FOLH1: variants seen among roughly 807,000 people sequenced by gnomAD.
FOLH1 encodes the protein glutamate carboxypeptidase 2.
FOLH1 carries 54 observed loss-of-function variants against 93.9 expected under a neutral mutation model. The observed-to-expected ratio is 0.57, with a 90% CI of 0.46 to 0.72. The LOEUF is 0.72. Ranked by LOEUF, FOLH1 falls within the 30% of genes least tolerant of loss-of-function variation. FOLH1 has a pLI of 0.00. For synonymous variants in FOLH1, 249 were observed against 303.6 expected (o/e 0.82, Z 1.87); for missense variants, 571 against 892.5 (o/e 0.64, Z 4.59).
At chr11:49,189,795 A>G (rs539527406) in intron 4 of FOLH1, among the ~76,000 whole-genome samples, 2 of 152,228 alleles carry the variant, frequency 1.3e-5, no homozygotes, top group Non-Finnish European at 2.9e-5. Flanking sequence ...AGCATACATT[A>G]TATTAAAAGG....
At chr11:49,192,936 G>A (rs1381559203) in intron 3 of FOLH1, 42 bp from the exon 4 acceptor site, 3 of 1,501,362 alleles carry the variant, frequency 2.0e-6, no homozygotes, top group East Asian at 2.4e-5. Context: ...AACAGTTAAA[G>A]TTTGATTACT....
At chr11:49,149,347 C>A (rs1391206450) in intron 17 of FOLH1, among the ~76,000 whole-genome samples, 1 of 152,078 alleles carries the variant, frequency 6.6e-6, no homozygotes, top group Non-Finnish European at 1.5e-5. Context: ...TCTGGATTAA[C>A]TTGCTCTGCC....
chr11:49,170,083 G>A (rs1490523538), intron 11 of FOLH1, among the ~76,000 whole-genome samples: 2 of 151,470 alleles, frequency 1.3e-5, no homozygotes, highest in Non-Finnish European at 2.9e-5. Flanking sequence ...CATAATATCT[G>A]GAGTATGAAA....
rs1222933908 is a variant in FOLH1, at chr11:49,145,442, A to C, written c.*1314T>G. Reference sequence around the variant, plus strand: ...TCCTGAAGTTCATGGTGGCCAGGAGAACCCAGCGGCCAAGAGCTTCTCCTG... The same window carrying C: ...TCCTGAAGTTCATGGTGGCCAGGAGCACCCAGCGGCCAAGAGCTTCTCCTG... On this transcript the variant is annotated 3_prime_UTR_variant, in exon 19 of 19. Transcript: ENST00000256999. Among the ~76,000 whole-genome samples, 1 of 152,126 alleles carries C rather than the reference A, an allele frequency of 6.6e-6. No homozygotes were observed. Among genetic ancestry groups the C allele is most frequent in the African/African-American group, 2.4e-5 (1 of 41,426 alleles).
intron 3 of FOLH1, among the ~76,000 whole-genome samples, chr11:49,196,926 G>T (rs1207053318): frequency 6.6e-6 from 1 of 152,100 alleles, no homozygotes; most frequent in East Asian, 1.9e-4. Flanking sequence ...AGATGAGGAG[G>T]GGATCTGGGC....
intron 6 of FOLH1, among the ~76,000 whole-genome samples, 180 bp from the exon 7 acceptor site, chr11:49,183,422 A>G (rs1241616753): frequency 6.6e-6 from 1 of 152,180 alleles, no homozygotes; most frequent in Non-Finnish European, 1.5e-5. Flanking sequence ...ATTGCTTGTG[A>G]TAATCTAGGC....
chr11:49,188,348 C>T (rs553218475), intron 4 of FOLH1, among the ~76,000 whole-genome samples: 10 of 151,724 alleles, frequency 6.6e-5, no homozygotes, highest in Admixed American at 5.3e-4. Flanking sequence ...AAACCCATGT[C>T]TACTAAAAAC....
intron 15 of FOLH1, among the ~76,000 whole-genome samples, chr11:49,155,024 G>A (rs1856861440): frequency 6.6e-6 from 1 of 152,074 alleles, no homozygotes; most frequent in Non-Finnish European, 1.5e-5. Flanking sequence ...AGAGAGAAGG[G>A]AGGCCCAGAC....
chr11:49,150,106 T>G (rs1856317515), intron 17 of FOLH1, among the ~76,000 whole-genome samples: 1 of 152,138 alleles, frequency 6.6e-6, no homozygotes, highest in Non-Finnish European at 1.5e-5. Flanking sequence ...CAGTGAATAA[T>G]ACTGAATTTT....
chr11:49,147,903 G>C (rs1184353743), intron 18 of FOLH1, among the ~76,000 whole-genome samples: 8 of 152,026 alleles, frequency 5.3e-5, no homozygotes, highest in South Asian at 2.1e-4. Context: ...CTCTAGCCTG[G>C]GAGACAGAGT....
chr11:49,205,972 A>T, intron 2 of FOLH1, 95 bp downstream of exon 2: 7 of 1,243,432 alleles, frequency 5.6e-6, no homozygotes, highest in Non-Finnish European at 7.6e-6. Context: ...ATTTTAAGAA[A>T]AAAGTCCAGT....
chr11:49,192,716 C>T, intron 4 of FOLH1, 77 bp downstream of exon 4: 1 of 1,282,054 alleles, frequency 7.8e-7, no homozygotes, highest in Non-Finnish European at 1.1e-6. Context: ...CTTTATGACC[C>T]TTTAATTATC....
chr11:49,187,814 T>C (rs1476508127), intron 4 of FOLH1, among the ~76,000 whole-genome samples: 1 of 152,238 alleles, frequency 6.6e-6, no homozygotes, highest in East Asian at 1.9e-4. Context: ...GCCCCCTTGC[T>C]CAAGGTCATG....
chr11:49,154,228 C>T lies in FOLH1; in HGVS notation c.1888G>A (p.Asp630Asn). 1.2e-6 allele frequency: 2 copies of T among 1,612,806 alleles called. No homozygotes were observed. Among genetic ancestry groups the T allele is most frequent in the Non-Finnish European group, 1.7e-6 (2 of 1,179,232 alleles). Residue 630 changes from aspartate (D) to asparagine (N), a missense_variant and splice_region_variant, in exon 16 of 19, where the codon GAT becomes AAT. Physicochemically the swap from Asp to Asn is conservative, Grantham distance 23. This residue lies in a region of FOLH1 where 500 missense variants were observed against 822.9 expected (regional missense o/e 0.61). Coordinates refer to ENST00000256999, the MANE Select transcript of FOLH1 (RefSeq NM_004476.3). Reference sequence around the variant, plus strand: ...ATTTGAAAAAGGAAGGGTAACATACCAAATGATACACTGTATGTCTTCATT... The same window carrying T: ...ATTTGAAAAAGGAAGGGTAACATACTAAATGATACACTGTATGTCTTCATT... ...QEMKTYSVSF[D>N]SLFSAVKNFT...
chr11:49,180,166 A>C (rs1449144913), intron 7 of FOLH1, among the ~76,000 whole-genome samples: 1 of 152,232 alleles, frequency 6.6e-6, no homozygotes, highest in Non-Finnish European at 1.5e-5. Context: ...GGTTACAATG[A>C]GTATCACAAT....
intron 12 of FOLH1, among the ~76,000 whole-genome samples, chr11:49,166,763 T>C (rs1377931907): frequency 6.6e-6 from 1 of 152,226 alleles, no homozygotes; most frequent in African/African-American, 2.4e-5. Flanking sequence ...GTCCCAATCA[T>C]ATAGTACCTC....
At position 49,174,422 on chromosome 11, in the gene FOLH1, T is replaced by A. The variant is rs1033665580; in HGVS notation, c.1105+470A>T. 5.3e-5 allele frequency among the ~76,000 whole-genome samples: 8 copies of A among 152,294 alleles called. 1 individual carries two copies. The East Asian group carries it at 1.5e-3, about 29-fold the overall frequency. On this transcript the variant is annotated intron_variant, in intron 9 of 18. Coordinates refer to ENST00000256999, the MANE Select transcript of FOLH1 (RefSeq NM_004476.3). ...TCTGAACTTCTATGGAAATCATATG[T>A]CCATATATTTTATCAGTGGCTTTAG...
chr11:49,192,644 TCTTA>T (rs1862202242), intron 4 of FOLH1, 145 bp downstream of exon 4: 4 of 483,856 alleles, frequency 8.3e-6, no homozygotes, highest in South Asian at 5.2e-5. Context: ...TATTCCTTCT[TCTTA>T]CTAAGACATT....
intron 17 of FOLH1, among the ~76,000 whole-genome samples, chr11:49,153,523 T>C (rs1856685880): frequency 6.6e-6 from 1 of 152,030 alleles, no homozygotes; most frequent in Non-Finnish European, 1.5e-5. Context: ...ACTGATCAAA[T>C]GTCAGGAGGG....
Sources: gnomAD v4.1 joint callset for allele counts (sites outside exome capture counted in the v4.1 genomes callset) on GRCh38, gnomAD v4.1.1 for gene constraint, gnomAD v4.1.1 regional missense constraint, MANE v1.5 for transcripts, NCBI Gene and HGNC (gene_info 2026-07-23, HGNC 2026-07-21) for gene names.